The following RAD9B variants were observed in gnomAD, a reference collection of about 807,000 sequenced individuals.
The protein encoded by RAD9B is RAD9 checkpoint clamp component B.
RAD9B carries 41 observed loss-of-function variants against 48.3 expected under a neutral mutation model. That is an observed-to-expected ratio of 0.85 (90% CI 0.66 to 1.10). The LOEUF (loss-of-function observed/expected upper bound fraction) is 1.10. Among genes scored for constraint, RAD9B ranks in the 50% least tolerant of loss-of-function variants. RAD9B has a pLI of 0.00. For missense variants in RAD9B, 444 were observed against 485.1 expected (o/e 0.92, Z 0.80); for synonymous variants, 160 against 157.9 (o/e 1.01, Z -0.10).
Position 110,512,992 on chromosome 12 carries a change from G to A in RAD9B, c.488+114G>A, listed in dbSNP as rs1350556372. The A allele has an allele frequency of 1.7e-4, 105 of 600,138 alleles. No individual in the cohort carries two copies. The East Asian group carries it at 3.2e-3, about 18-fold the overall frequency. The allele number at this position is 600,138 out of a possible 1,614,324, so 37.2% of individuals were successfully genotyped here. A position where few individuals can be genotyped will look rare whatever the true frequency, so the allele number is the denominator to read the frequency against. On this transcript the variant is annotated intron_variant, in intron 5 of 10. Coordinates refer to ENST00000409300, the MANE Select transcript of RAD9B (RefSeq NM_001286535.2). ...CACATTTTTTTTTTTTTTATATGGA[G>A]TCTCGCTGTGTCGCCCAGGCTGGAG...
In RAD9B at chr12:110,531,777, T is replaced by C; in HGVS notation, c.*1124T>C. 2 of 705,218 alleles carry C rather than the reference T, an allele frequency of 2.8e-6. No individual in the cohort carries two copies. The highest frequency in any genetic ancestry group is 2.4e-6 in the Non-Finnish European group (1 of 420,792). 43.7% of individuals were successfully genotyped at this position (705,218 alleles called of 1,614,324 possible). A position where few individuals can be genotyped will look rare whatever the true frequency, so the allele number is the denominator to read the frequency against. ...AAATCTGGCACAAAACATTGTTATGTAATGTCTTATGATGTGTGCCTCTCC... is the reference window on the plus strand; with the variant it reads ...AAATCTGGCACAAAACATTGTTATGCAATGTCTTATGATGTGTGCCTCTCC... On this transcript the variant is annotated 3_prime_UTR_variant, in exon 11 of 11. Coordinates refer to ENST00000409300, the MANE Select transcript of RAD9B (RefSeq NM_001286535.2).
intron 8 of RAD9B, 112 bp downstream of exon 8, chr12:110,519,050 A>G: frequency 1.4e-6 from 1 of 692,306 alleles, no homozygotes; most frequent in Non-Finnish European, 2.4e-6. Flanking sequence ...AAACTTTACT[A>G]TTAATACTTA....
chr12:110,506,524 C>A, intron 3 of RAD9B, 55 bp from the exon 4 acceptor site: 4 of 933,664 alleles, frequency 4.3e-6, no homozygotes, highest in Non-Finnish European at 7.0e-6. Context: ...ACTTTTGTTT[C>A]TAAAATGAAT....
rs2064116876 is a variant in RAD9B at position 110,530,791 on chromosome 12, A to C, written c.*138A>C. 2 of 1,460,302 alleles carry C rather than the reference A, an allele frequency of 1.4e-6. No individual in the cohort carries two copies. The highest frequency in any genetic ancestry group is 5.1e-5 in the Admixed American group (2 of 39,138). 90.5% of individuals were successfully genotyped at this position (1,460,302 alleles called of 1,614,324 possible). On this transcript the variant is annotated 3_prime_UTR_variant, in exon 11 of 11. Coordinates refer to ENST00000409300, the MANE Select transcript of RAD9B (RefSeq NM_001286535.2). The stretch of plus-strand genomic sequence containing the variant: ...GGAGGATGGGCTTTTAAACCACATC[A>C]TCTTGTACAACAACCATATCTAGAA...
At chr12:110,507,408 TTAAA>T (rs973041171) in intron 4 of RAD9B, among the ~76,000 whole-genome samples, 6 of 142,100 alleles carry the variant, frequency 4.2e-5, no homozygotes, top group Non-Finnish European at 7.6e-5. Context: ...AATATATGTA[TTAAA>T]TATAATATAT....
chr12:110,518,195 GA>G (rs201639460), intron 6 of RAD9B, among the ~76,000 whole-genome samples: 588 of 136,558 alleles, frequency 4.3e-3, no homozygotes, highest in Non-Finnish European at 6.4e-3. Flanking sequence ...CGTCTCAAAA[GA>G]AAAAAAAAAA....
chr12:110,505,565 G>T, intron 2 of RAD9B, 52 bp from the exon 3 acceptor site: 1 of 1,458,852 alleles, frequency 6.9e-7, no homozygotes, highest in South Asian at 1.4e-5. Context: ...ACAGGTTCAT[G>T]GGAGCCACCA....
intron 6 of RAD9B, among the ~76,000 whole-genome samples, chr12:110,516,496 G>C (rs2063603315): frequency 6.6e-6 from 1 of 152,048 alleles, no homozygotes. Context: ...GTATATTTAA[G>C]ACATTGTTTG....
intron 6 of RAD9B, among the ~76,000 whole-genome samples, chr12:110,516,774 C>T (rs1274840454): frequency 1.3e-5 from 2 of 151,836 alleles, no homozygotes; most frequent in South Asian, 2.1e-4. Flanking sequence ...GATCACGCCA[C>T]GGCACTCCAG....
chr12:110,524,434 C>T lies in RAD9B; in HGVS notation c.1125+2023C>T, dbSNP rs866108446. On this transcript the variant is annotated intron_variant, in intron 10 of 10. Coordinates refer to ENST00000409300, the MANE Select transcript of RAD9B (RefSeq NM_001286535.2). ...AAAATAAGCTGGGCATGGTGGCGGG[C>T]GCCTGTAATCCCAGCTACTCAGGAG... 7.9e-5 allele frequency among the ~76,000 whole-genome samples: 12 copies of T among 151,932 alleles called. No individual in the cohort carries two copies. In the Middle Eastern group the frequency reaches 0.01, roughly 130 times the overall value.
chr12:110,513,259 C>T (rs965761444), intron 5 of RAD9B, among the ~76,000 whole-genome samples: 3 of 150,812 alleles, frequency 2.0e-5, no homozygotes, highest in Non-Finnish European at 4.4e-5. Flanking sequence ...TGAGCCACCA[C>T]GCCCTGCCAT....
intron 5 of RAD9B, 66 bp from the exon 6 acceptor site, chr12:110,514,984 G>A (rs2063565057): frequency 4.1e-6 from 4 of 968,848 alleles, no homozygotes; most frequent in Non-Finnish European, 4.5e-6. Flanking sequence ...TTGAGTCCCA[G>A]TTAATAAGGT....
Position 110,530,914 on chromosome 12 carries a change from C to G in RAD9B, c.*261C>G, listed in dbSNP as rs764834496. On this transcript the variant is annotated 3_prime_UTR_variant, in exon 11 of 11. Coordinates refer to ENST00000409300, the MANE Select transcript of RAD9B (RefSeq NM_001286535.2). ...TGAAGGAAAAAAGCCCATTAGAGTT[C>G]TTCAATTCAATGCACGTTCACCCTA... 2.5e-4 allele frequency: 299 copies of G among 1,193,568 alleles called. No individual in the cohort carries two copies. The highest frequency in any genetic ancestry group is 1.1e-3 in the Admixed American group (27 of 25,302). The allele number at this position is 1,193,568 out of a possible 1,614,324, so 73.9% of individuals were successfully genotyped here.
chr12:110,514,677 A>G lies in RAD9B; in HGVS notation c.489-373A>G, dbSNP rs1001919681. 2.0e-5 allele frequency among the ~76,000 whole-genome samples: 3 copies of G among 152,202 alleles called. 1 individual carries two copies. Among genetic ancestry groups the G allele is most frequent in the African/African-American group, 7.2e-5 (3 of 41,454 alleles). ...CTAGGTCTCCAGCATAATTCACCTG[A>G]GTTGTTTTTGAACAGCTTCACTTTC... On this transcript the variant is annotated intron_variant, in intron 5 of 10. Coordinates refer to ENST00000409300, the MANE Select transcript of RAD9B (RefSeq NM_001286535.2).
In RAD9B at chr12:110,531,311, G is replaced by A; in HGVS notation, c.*658G>A. 4.8e-6 allele frequency: 2 copies of A among 418,982 alleles called. No individual in the cohort carries two copies. The highest frequency in any genetic ancestry group is 7.7e-6 in the Non-Finnish European group (2 of 260,558). The allele number at this position is 418,982 out of a possible 1,614,324, so 26.0% of individuals were successfully genotyped here. ...AGGTCCAAGCGATTCTCCTGCCTCA[G>A]CCTCCCGTGCAGCTGGGATTGCAGG... On this transcript the variant is annotated 3_prime_UTR_variant, in exon 11 of 11. Transcript: ENST00000409300.
At chr12:110,526,623 CA>C (rs2135731870) in intron 10 of RAD9B, among the ~76,000 whole-genome samples, 1 of 152,196 alleles carries the variant, frequency 6.6e-6, no homozygotes, top group African/African-American at 2.4e-5. Context: ...ACCATGCCTC[CA>C]ATTGGTCGGG....
At chr12:110,520,511 C>G (rs901365274) in intron 9 of RAD9B, among the ~76,000 whole-genome samples, 2 of 145,672 alleles carry the variant, frequency 1.4e-5, no homozygotes, top group Non-Finnish European at 3.0e-5. Flanking sequence ...CACATCGGGC[C>G]TTTAGTTTTT....
Position 110,502,343 on chromosome 12 carries a change from A to G in RAD9B, c.6A>G (p.Ala2=), listed in dbSNP as rs751662251. The change falls in exon 1 of 11, where the codon GCA becomes GCG. Residue 2 remains alanine, a synonymous_variant. Coordinates refer to ENST00000409300, the MANE Select transcript of RAD9B (RefSeq NM_001286535.2). ...GAGCCTGCTTTTTAGGGCGGATGGC[A>G]GCCATGCTGAAGTGCGTGATGAGCG... M[A]AMLKCVMSGS... is the part of the protein sequence containing the mutation. The G allele has an allele frequency of 6.2e-7, 1 of 1,613,572 alleles. No homozygotes were observed. Among genetic ancestry groups the G allele is most frequent in the Non-Finnish European group, 8.5e-7 (1 of 1,179,738 alleles).
chr12:110,529,628 T>G (rs1258219642), intron 10 of RAD9B, among the ~76,000 whole-genome samples: 1 of 150,834 alleles, frequency 6.6e-6, no homozygotes, highest in Non-Finnish European at 1.5e-5. Context: ...TGCATACCTG[T>G]AGTTACAGCT....
Sources: allele counts gnomAD v4.1 joint callset (sites outside exome capture counted in the v4.1 genomes callset), GRCh38; gene constraint gnomAD v4.1.1; transcripts MANE v1.5; gene names NCBI Gene and HGNC (gene_info 2026-07-23, HGNC 2026-07-21).